Variants in IQCJ observed in about 807,000 individuals in gnomAD.
IQCJ encodes IQ domain-containing protein J.
Under a neutral mutation model 11.0 loss-of-function variants are expected in IQCJ, and 9 were observed. That is an observed-to-expected ratio of 0.82 (90% CI 0.49 to 1.43). The LOEUF (loss-of-function observed/expected upper bound fraction) is 1.43. IQCJ is among the 40% of genes most tolerant of loss of function. IQCJ has a pLI of 0.00. For synonymous variants in IQCJ, 55 were observed against 51.3 expected (o/e 1.07, Z -0.31); for missense variants, 146 against 133.2 (o/e 1.10, Z -0.47).
At chr3:159,216,057 G>A (rs185595916) in intron 1 of IQCJ, among the ~76,000 whole-genome samples, 2 of 136,708 alleles carry the variant, frequency 1.5e-5, no homozygotes, top group East Asian at 4.7e-4. Context: ...AGAGGGAAAA[G>A]TTTTGAGAAA....
Position 159,186,411 on chromosome 3 carries a change from C to A in IQCJ, c.10-59432C>A, listed in dbSNP as rs188069345. Among the ~76,000 whole-genome samples, 214 of 152,324 alleles carry A rather than the reference C, an allele frequency of 1.4e-3. 1 individual carries two copies. The highest frequency in any genetic ancestry group is 2.1e-3 in the Non-Finnish European group (145 of 68,024). On this transcript the variant is annotated intron_variant, in intron 1 of 3. Coordinates refer to ENST00000397832, the MANE Select transcript of IQCJ (RefSeq NM_001042706.3). ...AAATATGGTGTTTCACATGGCCCAT[C>A]TGGTTACATTTAGTTCTGTGAGTTG...
chr3:159,166,074 C>G (rs1722150286), intron 1 of IQCJ, among the ~76,000 whole-genome samples: 1 of 151,858 alleles, frequency 6.6e-6, no homozygotes, highest in South Asian at 2.1e-4. Context: ...ATGTTTTTCT[C>G]CAGCAGGTGG....
At chr3:159,094,548 C>T (rs887254561) in intron 1 of IQCJ, among the ~76,000 whole-genome samples, 1 of 150,246 alleles carries the variant, frequency 6.7e-6, no homozygotes, top group Non-Finnish European at 1.5e-5. Flanking sequence ...CAGACCCTAC[C>T]TTACACGATT....
Position 159,078,137 on chromosome 3 carries a change from G to A in IQCJ, c.9+8696G>A, listed in dbSNP as rs538604227. Among the ~76,000 whole-genome samples the A allele has an allele frequency of 7.1e-5, 6 of 84,514 alleles. No individual in the cohort carries two copies. The East Asian group carries it at 1.6e-3, about 23-fold the overall frequency. 55.4% of individuals were successfully genotyped at this position (84,514 alleles called of 152,430 possible). ...TTAGAGAGGAAACATTAAATCAAAA[G>A]CATTAGATGGGGGCAAGGAGCATTG... On this transcript the variant is annotated intron_variant, in intron 1 of 3. Transcript: ENST00000397832.
chr3:159,165,044 A>G (rs9879667), intron 1 of IQCJ, among the ~76,000 whole-genome samples: 107,726 of 152,124 alleles, frequency 0.71, 39,519 homozygotes, highest in African/African-American at 0.91. Flanking sequence ...TAGGCACATG[A>G]TTACATACAG....
chr3:159,152,365 C>A (rs1721279226), intron 1 of IQCJ, among the ~76,000 whole-genome samples: 1 of 152,208 alleles, frequency 6.6e-6, no homozygotes, highest in Non-Finnish European at 1.5e-5. Flanking sequence ...TCTCTGAGAT[C>A]CCAGCATCCA....
chr3:159,186,603 C>G (rs1723383983), intron 1 of IQCJ, among the ~76,000 whole-genome samples: 1 of 152,168 alleles, frequency 6.6e-6, no homozygotes, highest in African/African-American at 2.4e-5. Flanking sequence ...AAGGAGACAG[C>G]CATTACTTTT....
chr3:159,247,189 C>G (rs959786617), intron 2 of IQCJ, among the ~76,000 whole-genome samples: 1 of 152,116 alleles, frequency 6.6e-6, no homozygotes, highest in Non-Finnish European at 1.5e-5. Context: ...CTCCGCCTCC[C>G]GGGTTCAAGT....
chr3:159,124,312 A>G (rs555237552), intron 1 of IQCJ, among the ~76,000 whole-genome samples: 1 of 152,180 alleles, frequency 6.6e-6, no homozygotes, highest in Non-Finnish European at 1.5e-5. Flanking sequence ...TTGTGGCCAC[A>G]GTAATGTCTT....
At chr3:159,247,706 A>G (rs1389870815) in intron 2 of IQCJ, among the ~76,000 whole-genome samples, 1 of 152,216 alleles carries the variant, frequency 6.6e-6, no homozygotes, top group Non-Finnish European at 1.5e-5. Flanking sequence ...ACAGAAAAGC[A>G]GGGGAAGGTT....
intron 1 of IQCJ, among the ~76,000 whole-genome samples, chr3:159,189,451 A>G (rs1404399843): frequency 6.6e-6 from 1 of 152,180 alleles, no homozygotes; most frequent in Non-Finnish European, 1.5e-5. Flanking sequence ...CAAGACCAGT[A>G]TTGTTCTAGC....
chr3:159,080,387 T>G (rs1326072113), intron 1 of IQCJ, among the ~76,000 whole-genome samples: 1 of 152,112 alleles, frequency 6.6e-6, no homozygotes, highest in African/African-American at 2.4e-5. Flanking sequence ...CAATTTTCTC[T>G]ATGGTTGGAA....
At chr3:159,202,079 G>T (rs1028453191) in intron 1 of IQCJ, among the ~76,000 whole-genome samples, 1 of 152,130 alleles carries the variant, frequency 6.6e-6, no homozygotes, top group African/African-American at 2.4e-5. Context: ...GAGTCCAATT[G>T]ACTCAAGTTG....
intron 2 of IQCJ, among the ~76,000 whole-genome samples, chr3:159,247,939 A>C (rs1044523534): frequency 2.6e-5 from 4 of 152,164 alleles, no homozygotes; most frequent in Non-Finnish European, 5.9e-5. Context: ...CATACTTTAC[A>C]GTATGTGCTG....
Position 159,111,161 on chromosome 3 carries a change from C to A in IQCJ, c.9+41720C>A, listed in dbSNP as rs146195272. On this transcript the variant is annotated intron_variant, in intron 1 of 3. Transcript: ENST00000397832. ...TTATAATTTTAATATTCTCAGAAAG[C>A]TCTAGAACAAAACCTTTATGAATAC... is the stretch of plus-strand genomic sequence containing the variant. Among the ~76,000 whole-genome samples, 198 of 152,288 alleles carry A rather than the reference C, an allele frequency of 1.3e-3. 1 individual carries two copies. The highest frequency in any genetic ancestry group is 6.8e-3 in the Middle Eastern group (2 of 294).
intron 3 of IQCJ, among the ~76,000 whole-genome samples, chr3:159,256,249 T>C (rs1416560390): frequency 1.3e-5 from 2 of 152,214 alleles, no homozygotes; most frequent in Non-Finnish European, 2.9e-5. Flanking sequence ...AATTGCTTTT[T>C]TGAAAGTCAG....
At chr3:159,233,314 C>G (rs973850625) in intron 1 of IQCJ, among the ~76,000 whole-genome samples, 1 of 152,104 alleles carries the variant, frequency 6.6e-6, no homozygotes, top group Non-Finnish European at 1.5e-5. Flanking sequence ...AAGAAAGGTT[C>G]CAAGGAGTTG....
At chr3:159,163,875 A>G (rs1722019401) in intron 1 of IQCJ, among the ~76,000 whole-genome samples, 1 of 152,194 alleles carries the variant, frequency 6.6e-6, no homozygotes, top group Admixed American at 6.5e-5. Flanking sequence ...TTGAGGTATG[A>G]GCACATCAGG....
intron 1 of IQCJ, among the ~76,000 whole-genome samples, chr3:159,141,882 A>C (rs2108182258): frequency 6.6e-6 from 1 of 152,348 alleles, no homozygotes; most frequent in Middle Eastern, 3.4e-3. Flanking sequence ...ATTTATGATA[A>C]CATATTAGAA....
Sources: gnomAD v4.1 joint callset for allele counts (sites outside exome capture counted in the v4.1 genomes callset) on GRCh38, gnomAD v4.1.1 for gene constraint, MANE v1.5 for transcripts, NCBI Gene and HGNC (gene_info 2026-07-23, HGNC 2026-07-21) for gene names.